The following CUL5 variants were observed in gnomAD, a reference collection of about 807,000 sequenced individuals.
CUL5 encodes the protein cullin 5.
A neutral mutation model predicts 108.8 loss-of-function variants in CUL5; 26 were observed. The observed-to-expected ratio is 0.24, with a 90% CI of 0.18 to 0.33. CUL5 has a LOEUF of 0.33. CUL5 is among the 10% of genes least tolerant of loss of function. The pLI is 1.00. For synonymous variants in CUL5, 334 were observed against 298.0 expected (o/e 1.12, Z -1.25); for missense variants, 524 against 909.2 (o/e 0.58, Z 5.45).
intron 10 of CUL5, among the ~76,000 whole-genome samples, chr11:108,076,696 AGTG>A (rs1230094161): frequency 3.3e-5 from 5 of 152,148 alleles, no homozygotes; most frequent in Non-Finnish European, 7.4e-5. Flanking sequence ...ATCTTTGTGA[AGTG>A]GTGATTTCAT....
intron 1 of CUL5, among the ~76,000 whole-genome samples, chr11:108,020,296 C>T (rs1862296847): frequency 6.6e-6 from 1 of 152,062 alleles, no homozygotes; most frequent in African/African-American, 2.4e-5. Context: ...GCGTTGTTAC[C>T]ATAGGAGATG....
Position 108,094,930 on chromosome 11 carries a change from C to A in CUL5, c.1686C>A (p.Tyr562Ter). 1 of 1,611,098 alleles carries A rather than the reference C, an allele frequency of 6.2e-7. No individual in the cohort carries two copies. The change falls in exon 15 of 19, where the codon TAC (tyrosine) becomes TAA (stop). Residue 562 changes from tyrosine to a stop codon, truncating the protein, a stop_gained. Coordinates refer to ENST00000393094, the MANE Select transcript of CUL5 (RefSeq NM_003478.6). LOFTEE classifies it high-confidence loss of function. ...TGATACCGGAAGTAGAAGAATTCTA[C>A]AAAAAAAATCATAGTGGTAGAAAAT... ...EDLIPEVEEF[Y>*]KKNHSGRKLH...
chr11:108,015,044 G>T (rs1298634053), intron 1 of CUL5, among the ~76,000 whole-genome samples: 1 of 152,108 alleles, frequency 6.6e-6, no homozygotes, highest in Non-Finnish European at 1.5e-5. Flanking sequence ...GATTACCGGT[G>T]ACCACCACCA....
At chr11:108,011,280 C>A (rs1291679272) in intron 1 of CUL5, among the ~76,000 whole-genome samples, 1 of 152,064 alleles carries the variant, frequency 6.6e-6, no homozygotes, top group African/African-American at 2.4e-5. Flanking sequence ...TAAGTACTTA[C>A]CTGTGGAAGC....
intron 12 of CUL5, among the ~76,000 whole-genome samples, chr11:108,088,936 C>T (rs1428014751): frequency 1.3e-5 from 2 of 151,846 alleles, no homozygotes; most frequent in Non-Finnish European, 2.9e-5. Context: ...CATATCATTC[C>T]AACAAATTTG....
intron 11 of CUL5, among the ~76,000 whole-genome samples, chr11:108,087,059 T>C (rs1166770965): frequency 1.3e-5 from 2 of 152,168 alleles, no homozygotes; most frequent in African/African-American, 2.4e-5. Context: ...ATTAGATCAG[T>C]ATGGATTTTT....
chr11:108,051,360 A>G (rs893103930), intron 4 of CUL5, among the ~76,000 whole-genome samples: 1 of 152,206 alleles, frequency 6.6e-6, no homozygotes, highest in African/African-American at 2.4e-5. Context: ...TTTGGATTCA[A>G]ATCTCAGTGT....
At chr11:108,033,651 A>G in intron 1 of CUL5, 151 bp from the exon 2 acceptor site, 2 of 568,276 alleles carry the variant, frequency 3.5e-6, no homozygotes, top group Non-Finnish European at 6.2e-6. Context: ...ATTCCTCAAT[A>G]ACGGATTAAG....
intron 3 of CUL5, among the ~76,000 whole-genome samples, chr11:108,048,971 C>A (rs1250413096): frequency 6.6e-6 from 1 of 151,996 alleles, no homozygotes; most frequent in Non-Finnish European, 1.5e-5. Context: ...GCCGTGACTC[C>A]ACCACCTTTT....
chr11:108,098,734 A>G (rs575234269), intron 18 of CUL5, among the ~76,000 whole-genome samples: 2 of 152,152 alleles, frequency 1.3e-5, no homozygotes, highest in Admixed American at 1.3e-4. Context: ...TTTTAAAAAT[A>G]TATTAAAAAT....
intron 15 of CUL5, 61 bp downstream of exon 15, chr11:108,095,048 G>A (rs902156568): frequency 1.2e-5 from 17 of 1,377,478 alleles, no homozygotes; most frequent in Admixed American, 6.6e-5. Flanking sequence ...GCAGGACTCC[G>A]CAGAATTGCT....
chr11:108,088,683 A>C, intron 12 of CUL5, 24 bp downstream of exon 12: 1 of 1,550,072 alleles, frequency 6.5e-7, no homozygotes, highest in Non-Finnish European at 8.7e-7. Context: ...TTGTATTTCA[A>C]CTTTTAAAAT....
At chr11:108,090,500 A>T (rs535023661) in intron 13 of CUL5, among the ~76,000 whole-genome samples, 4 of 149,480 alleles carry the variant, frequency 2.7e-5, no homozygotes, top group African/African-American at 9.7e-5. Flanking sequence ...CAAGAAAAAT[A>T]AAATAAATAA....
intron 8 of CUL5, among the ~76,000 whole-genome samples, chr11:108,070,475 A>G (rs1435189341): frequency 1.3e-5 from 2 of 152,122 alleles, no homozygotes; most frequent in African/African-American, 2.4e-5. Flanking sequence ...TTTAAAGGCC[A>G]GTTTAAACTG....
chr11:108,065,018 TTTAA>T (rs1354529569), intron 7 of CUL5, among the ~76,000 whole-genome samples: 15 of 152,030 alleles, frequency 9.9e-5, no homozygotes, highest in African/African-American at 1.2e-4. Context: ...ATTTTATTTA[TTTAA>T]TTAATTAATT....
At chr11:108,070,369 A>C (rs1322393340) in intron 8 of CUL5, among the ~76,000 whole-genome samples, 180 bp downstream of exon 8, 1 of 152,178 alleles carries the variant, frequency 6.6e-6, no homozygotes, top group African/African-American at 2.4e-5. Flanking sequence ...CTAAGAGTAT[A>C]TAAACTTAAA....
intron 1 of CUL5, among the ~76,000 whole-genome samples, chr11:108,028,468 C>T (rs766217854): frequency 1.5e-4 from 23 of 152,216 alleles, no homozygotes; most frequent in Non-Finnish European, 3.4e-4. Flanking sequence ...CCTAATCCTA[C>T]ACCCAGTTTT....
chr11:108,013,008 T>C (rs897011350), intron 1 of CUL5, among the ~76,000 whole-genome samples: 1 of 152,200 alleles, frequency 6.6e-6, no homozygotes, highest in Non-Finnish European at 1.5e-5. Flanking sequence ...GCCCTTTAAC[T>C]TAATGATATG....
chr11:108,023,019 C>G (rs1192252891), intron 1 of CUL5, among the ~76,000 whole-genome samples: 1 of 152,220 alleles, frequency 6.6e-6, no homozygotes, highest in Non-Finnish European at 1.5e-5. Context: ...GAGGCCAAGG[C>G]AGGTGGATCA....
Sources: gnomAD v4.1 joint callset for allele counts (sites outside exome capture counted in the v4.1 genomes callset) on GRCh38, gnomAD v4.1.1 for gene constraint, MANE v1.5 for transcripts, NCBI Gene and HGNC (gene_info 2026-07-23, HGNC 2026-07-21) for gene names.